ANKRD18B: variants seen among roughly 807,000 people sequenced by gnomAD.
ANKRD18B encodes ankyrin repeat domain-containing protein 18B.
ANKRD18B carries 75 observed loss-of-function variants against 111.8 expected under a neutral mutation model. The observed-to-expected ratio is 0.67, with a 90% confidence interval of 0.56 to 0.81. The LOEUF is 0.81. Ranked by LOEUF, ANKRD18B falls within the 40% of genes least tolerant of loss-of-function variation. The pLI is 0.00. For synonymous variants in ANKRD18B, 356 were observed against 417.3 expected, an observed-to-expected ratio of 0.85 and a Z score of 1.79; for missense variants, 1,038 against 1,225.5, an observed-to-expected ratio of 0.85 and a Z score of 2.28.
chr9:33,551,459 C>T (rs1828445300), intron 12 of ANKRD18B, among the ~76,000 whole-genome samples: 1 of 152,310 alleles, frequency 6.6e-6, no homozygotes, highest in Non-Finnish European at 1.5e-5. Context: ...CTTTTGTCTC[C>T]ATAGATTTGC....
At chr9:33,567,038 G>T in intron 15 of ANKRD18B, 65 bp from the exon 16 acceptor site, 1 of 1,442,272 alleles carries the variant, frequency 6.9e-7, no homozygotes, top group Non-Finnish European at 9.2e-7. Flanking sequence ...CAAAATGAAA[G>T]GCAACAAACA....
intron 1 of ANKRD18B, among the ~76,000 whole-genome samples, chr9:33,528,432 G>A (rs1172814219): frequency 6.6e-6 from 1 of 152,228 alleles, no homozygotes; most frequent in East Asian, 1.9e-4. Flanking sequence ...CTTTATTAAT[G>A]AGGAAATTCA....
intron 14 of ANKRD18B, among the ~76,000 whole-genome samples, chr9:33,561,275 T>C (rs923227183): frequency 1.3e-5 from 2 of 152,244 alleles, no homozygotes; most frequent in African/African-American, 4.8e-5. Flanking sequence ...GATTTACATT[T>C]TCCTAATGAC....
At chr9:33,555,907 C>A in intron 13 of ANKRD18B, 87 bp downstream of exon 13, 27 of 806,196 alleles carry the variant, frequency 3.3e-5, no homozygotes, top group Non-Finnish European at 4.0e-5. Flanking sequence ...GATACAAATT[C>A]ATTTTATGTC....
chr9:33,549,397 T>G (rs1437851381), intron 11 of ANKRD18B, among the ~76,000 whole-genome samples: 1 of 152,154 alleles, frequency 6.6e-6, no homozygotes, highest in African/African-American at 2.4e-5. Flanking sequence ...AGAGCAATGC[T>G]GATAAGGTGT....
At chr9:33,567,666 T>G (rs79001995) in intron 16 of ANKRD18B, among the ~76,000 whole-genome samples, 4,577 of 152,316 alleles carry the variant, frequency 0.03, 80 homozygotes, top group Middle Eastern at 0.088. Flanking sequence ...GGAATATTAA[T>G]GAGTTTAATT....
At chr9:33,567,582 CTAAG>C (rs1469690496) in intron 16 of ANKRD18B, among the ~76,000 whole-genome samples, 3 of 152,006 alleles carry the variant, frequency 2.0e-5, no homozygotes, top group Admixed American at 6.6e-5. Context: ...GTTTTTTTCA[CTAAG>C]TATTTTTGAA....
intron 11 of ANKRD18B, among the ~76,000 whole-genome samples, chr9:33,549,429 A>G (rs1828415773): frequency 6.6e-6 from 1 of 152,152 alleles, no homozygotes; most frequent in South Asian, 2.1e-4. Flanking sequence ...CTACTGAAAT[A>G]AGAAATGTAA....
At position 33,550,567 on chromosome 9, in the gene ANKRD18B, A is replaced by T; in HGVS notation, c.2205A>T (p.Gln735His). The T allele has an allele frequency of 6.5e-7, 1 of 1,534,938 alleles. No homozygotes were observed. Among genetic ancestry groups the T allele is most frequent in the Non-Finnish European group, 8.8e-7 (1 of 1,141,390 alleles). ...ETWTSKKKLF[Q>H]VEIQPEEKHE... The stretch of plus-strand genomic sequence containing the variant: ...GGACTTCAAAGAAGAAATTATTTCA[A>T]GTAGAAATTCAAGTATGTATGGAAT... The change falls in exon 12 of 19, where the codon CAA (glutamine) becomes CAT (histidine). Residue 735 changes from glutamine (Q) to histidine (H), a missense_variant. Physicochemically the swap from Gln to His is conservative, Grantham distance 24. Around this residue, in one of 4 missense-constraint regions of ANKRD18B, gnomAD observed 524 missense variants for 677.9 expected, o/e 0.77. Transcript: ENST00000684830.
chr9:33,566,345 G>C lies in ANKRD18B; in HGVS notation c.2587G>C (p.Glu863Gln), dbSNP rs1466017275. The C allele has an allele frequency of 5.1e-6, 8 of 1,569,036 alleles. No individual in the cohort carries two copies. In the Middle Eastern group the frequency reaches 5.0e-4, roughly 98 times the overall value. ...AGTACAAGAGAAATGTGAAAAACTTGAGAAGGATAAAAAGATGTTGGAAGA... is the reference window on the plus strand; with the variant it reads ...AGTACAAGAGAAATGTGAAAAACTTCAGAAGGATAAAAAGATGTTGGAAGA... ...GKVQEKCEKL[E>Q]KDKKMLEEKV... The change falls in exon 15 of 19, where the codon GAG becomes CAG. Residue 863 changes from glutamate (E) to glutamine (Q), a missense_variant. Physicochemically the swap from Glu to Gln is conservative, Grantham distance 29 (BLOSUM62 2). Transcript: ENST00000684830.
intron 12 of ANKRD18B, 31 bp from the exon 13 acceptor site, chr9:33,555,677 A>G: frequency 7.7e-7 from 1 of 1,303,346 alleles, no homozygotes; most frequent in Non-Finnish European, 1.0e-6. Context: ...TCTAGATTTT[A>G]CAAAAATAAT....
intron 13 of ANKRD18B, among the ~76,000 whole-genome samples, chr9:33,556,741 C>A (rs1221768309): frequency 6.6e-6 from 1 of 152,108 alleles, no homozygotes; most frequent in East Asian, 1.9e-4. Flanking sequence ...TTGTGTCCTT[C>A]TTTAACATCA....
rs1563896851 is a variant in ANKRD18B, at chr9:33,524,515, G to T, written c.26G>T (p.Arg9Ile). Residue 9 changes from arginine to isoleucine, a missense_variant, in exon 1 of 19, where the codon AGA becomes ATA. Physicochemically the swap from Arg to Ile is moderately conservative, Grantham distance 97. Around this residue, in one of 4 missense-constraint regions of ANKRD18B, gnomAD observed 216 missense variants for 205.1 expected, o/e 1.05. Coordinates refer to ENST00000684830, the MANE Select transcript of ANKRD18B (RefSeq NM_001393611.1). ...ATGAGGAAGCTCCTCAGTTTTGGGA[G>T]ACGCCTGGGCCAGGCGCTCCTGAGC... The part of the protein sequence containing the change: MRKLLSFG[R>I]RLGQALLSSM... The T allele has an allele frequency of 6.4e-7, 1 of 1,550,694 alleles. No individual in the cohort carries two copies. Among genetic ancestry groups the T allele is most frequent in the Non-Finnish European group, 8.7e-7 (1 of 1,146,606 alleles).
chr9:33,544,573 C>T (rs1325620432), intron 10 of ANKRD18B, among the ~76,000 whole-genome samples: 3 of 152,174 alleles, frequency 2.0e-5, no homozygotes, highest in East Asian at 3.8e-4. Flanking sequence ...CGTGGTGGCT[C>T]ACAGCTGTAA....
At chr9:33,563,138 A>C (rs1271227446) in intron 14 of ANKRD18B, among the ~76,000 whole-genome samples, 2 of 152,188 alleles carry the variant, frequency 1.3e-5, no homozygotes, top group African/African-American at 4.8e-5. Context: ...GTCATCAATA[A>C]ATTAATCTCA....
chr9:33,572,566 A>T lies in ANKRD18B; in HGVS notation c.*132A>T, dbSNP rs1828797208. The T allele has an allele frequency of 3.2e-5, 42 of 1,296,822 alleles. No homozygotes were observed. The highest frequency in any genetic ancestry group is 4.0e-5 in the Non-Finnish European group (41 of 1,018,268). 80.3% of individuals were successfully genotyped at this position (1,296,822 alleles called of 1,614,324 possible). On this transcript the variant is annotated 3_prime_UTR_variant, in exon 19 of 19. Coordinates refer to ENST00000684830, the MANE Select transcript of ANKRD18B (RefSeq NM_001393611.1). Reference sequence around the variant, plus strand: ...ATGATGTATATTTATATGTTATTTTAAATGATTTTTTTAGCCTCCTTAAGT... The same window carrying T: ...ATGATGTATATTTATATGTTATTTTTAATGATTTTTTTAGCCTCCTTAAGT...
downstream of ANKRD18B, among the ~76,000 whole-genome samples, chr9:33,573,706 C>T (rs1035498708): frequency 2.8e-5 from 4 of 141,226 alleles, no homozygotes; most frequent in African/African-American, 1.0e-4. Flanking sequence ...GAGGGAGGGT[C>T]TGTGGGCTGA....
At chr9:33,538,300 C>T (rs371422331) in intron 6 of ANKRD18B, among the ~76,000 whole-genome samples, 1 of 152,306 alleles carries the variant, frequency 6.6e-6, no homozygotes, top group African/African-American at 2.4e-5. Context: ...AGTTATGTTT[C>T]ATATTCTTAT....
intron 10 of ANKRD18B, among the ~76,000 whole-genome samples, chr9:33,546,253 T>C (rs943144389): frequency 3.3e-5 from 5 of 152,220 alleles, no homozygotes; most frequent in Non-Finnish European, 7.4e-5. Context: ...CCAGTCTGTT[T>C]AATATGCTTT....
Sources: allele counts gnomAD v4.1 joint callset (sites outside exome capture counted in the v4.1 genomes callset), GRCh38; gene constraint gnomAD v4.1.1; regional missense constraint gnomAD v4.1.1; transcripts MANE v1.5; gene names NCBI Gene and HGNC (gene_info 2026-07-23, HGNC 2026-07-21).